Variants in SH2B2 observed in about 807,000 individuals in gnomAD.
The protein encoded by SH2B2 is SH2B adapter protein 2.
SH2B2 carries 37 observed loss-of-function variants against 35.7 expected under a neutral mutation model. That is an observed-to-expected ratio of 1.04 (90% CI 0.80 to 1.36). The LOEUF is 1.36. Among genes scored for constraint, SH2B2 ranks in the 40% most tolerant of loss-of-function variants. SH2B2 has a pLI of 0.00. For synonymous variants in SH2B2, 383 were observed against 376.4 expected, an observed-to-expected ratio of 1.02 and a Z score of -0.20; for missense variants, 852 against 817.7, an observed-to-expected ratio of 1.04 and a Z score of -0.51.
intron 4 of SH2B2, chr7:102,309,460 A>G: frequency 3.4e-6 from 1 of 291,350 alleles, no homozygotes; most frequent in Non-Finnish European, 6.8e-6. Context: ...TCCCAGGTTC[A>G]AGCAATTTTC....
chr7:102,301,069 C>G lies in SH2B2; in HGVS notation c.519C>G (p.Asp173Glu). ...CCCCGCGCACCGCCGAGCCCCGCGA[C>G]AAGTGGACGCGGCGCCTGAGGCTGT... The part of the protein sequence containing the change: ...AAAPRTAEPR[D>E]KWTRRLRLSR... The change falls in exon 2 of 9, where the codon GAC (aspartate) becomes GAG (glutamate). Residue 173 changes from aspartate (D) to glutamate (E), a missense_variant. Physicochemically the swap from Asp to Glu is conservative, Grantham distance 45 (BLOSUM62 2). Around this residue, in one of 3 missense-constraint regions of SH2B2, gnomAD observed 294 missense variants for 286.6 expected, o/e 1.03. Transcript: ENST00000444095. 1 of 1,388,166 alleles carries G rather than the reference C, an allele frequency of 7.2e-7. No homozygotes were observed. Among genetic ancestry groups the G allele is most frequent in the South Asian group, 1.6e-5 (1 of 62,552 alleles). The allele number at this position is 1,388,166 out of a possible 1,614,324, so 86.0% of individuals were successfully genotyped here.
chr7:102,320,566 G>A (rs951407864), intron 8 of SH2B2, 64 bp downstream of exon 8: 3 of 1,543,222 alleles, frequency 1.9e-6, no homozygotes, highest in Non-Finnish European at 2.6e-6. Flanking sequence ...TACTCAAGAA[G>A]GTGGTCCCTG....
At chr7:102,288,446 T>G (rs1563543886) in intron 1 of SH2B2, among the ~76,000 whole-genome samples, 1 of 152,118 alleles carries the variant, frequency 6.6e-6, no homozygotes, top group Non-Finnish European at 1.5e-5. Flanking sequence ...CCCCACCCCG[T>G]GGCAGGCCGG....
At chr7:102,301,859 C>G (rs1316168853) in intron 2 of SH2B2, among the ~76,000 whole-genome samples, 1 of 152,032 alleles carries the variant, frequency 6.6e-6, no homozygotes, top group Non-Finnish European at 1.5e-5. Flanking sequence ...TCGTGAGCCA[C>G]CATGTCCAGC....
At chr7:102,320,646 A>G in intron 8 of SH2B2, 144 bp downstream of exon 8, 1 of 1,111,890 alleles carries the variant, frequency 9.0e-7, no homozygotes, top group South Asian at 1.6e-5. Context: ...GCCTAGCCAC[A>G]GCAATTTCAA....
At chr7:102,294,924 T>C (rs1217872293) in intron 1 of SH2B2, among the ~76,000 whole-genome samples, 2 of 152,188 alleles carry the variant, frequency 1.3e-5, no homozygotes, top group South Asian at 2.1e-4. Context: ...CAGGGTTAGG[T>C]AGGAGAGGTC....
chr7:102,285,323 T>C, upstream of SH2B2: 1 of 1,161,690 alleles, frequency 8.6e-7, no homozygotes, highest in Non-Finnish European at 1.3e-6. Context: ...CCAGGCCATG[T>C]ATGGAGCTTC....
In SH2B2 at chr7:102,301,251, T is replaced by C. The variant is rs1167633995; in HGVS notation, c.701T>C (p.Phe234Ser). The change falls in exon 2 of 9, where the codon TTC becomes TCC. Residue 234 changes from phenylalanine to serine, a missense_variant. Phe to Ser is a radical substitution (Grantham distance 155). Around this residue, in one of 3 missense-constraint regions of SH2B2, gnomAD observed 556 missense variants for 514.5 expected, o/e 1.08. Coordinates refer to ENST00000444095, the MANE Select transcript of SH2B2 (RefSeq NM_001359228.2). ...CGCAGGGCTGTGGCCGAGGAACGCT[T>C]CCGCCTGGAGTTCTTCGTGCCGCCC... is the stretch of plus-strand genomic sequence containing the variant. ...LLRRAVAEER[F>S]RLEFFVPPKA... 3.7e-6 allele frequency: 6 copies of C among 1,604,914 alleles called. No homozygotes were observed. In the African/African-American group the frequency reaches 8.1e-5, roughly 22 times the overall value.
chr7:102,321,324 G>C lies in SH2B2; in HGVS notation c.1593G>C (p.Ala531=), dbSNP rs781786956. 1.4e-6 allele frequency: 2 copies of C among 1,429,398 alleles called. No homozygotes were observed. Among genetic ancestry groups the C allele is most frequent in the Admixed American group, 2.9e-5 (1 of 34,360 alleles). The allele number at this position is 1,429,398 out of a possible 1,614,324, so 88.5% of individuals were successfully genotyped here. The change falls in exon 9 of 9, where the codon GCG becomes GCC. Residue 531 remains alanine (A), a synonymous_variant. Coordinates refer to ENST00000444095, the MANE Select transcript of SH2B2 (RefSeq NM_001359228.2). ...PPEPGPTPPA[A]PASPACWSDS... ...AGCCGGGCCCCACGCCCCCTGCCGC[G>C]CCCGCGTCCCCGGCCTGCTGGAGCG...
At chr7:102,316,819 G>T (rs1378408525) in intron 6 of SH2B2, among the ~76,000 whole-genome samples, 4 of 152,074 alleles carry the variant, frequency 2.6e-5, no homozygotes, top group African/African-American at 9.7e-5. Context: ...AGGAGTTTGA[G>T]ACCAGCCTGA....
chr7:102,309,355 CTTTT>C (rs35826295), intron 4 of SH2B2: 1,974 of 182,346 alleles, frequency 0.011, no homozygotes, highest in Middle Eastern at 0.026. Flanking sequence ...CTCTCTCTCT[CTTTT>C]TTTTTTTTTT....
chr7:102,299,022 G>C (rs1272805547), intron 1 of SH2B2, among the ~76,000 whole-genome samples: 1 of 139,764 alleles, frequency 7.2e-6, no homozygotes, highest in African/African-American at 2.7e-5. Flanking sequence ...CGAGGTTCAC[G>C]CCATTCTCCT....
intron 8 of SH2B2, among the ~76,000 whole-genome samples, chr7:102,320,777 G>A (rs1269331716): frequency 1.3e-5 from 2 of 152,128 alleles, no homozygotes; most frequent in African/African-American, 4.8e-5. Context: ...ATGGGGGTGG[G>A]GACAGGGGTG....
At position 102,297,132 on chromosome 7, in the gene SH2B2, T is replaced by C. The variant is rs144600655; in HGVS notation, c.-29-3390T>C. 1.1e-3 allele frequency among the ~76,000 whole-genome samples: 171 copies of C among 152,290 alleles called. 1 individual carries two copies. The highest frequency in any genetic ancestry group is 4.0e-3 in the African/African-American group (167 of 41,562). On this transcript the variant is annotated intron_variant, in intron 1 of 8. Coordinates refer to ENST00000444095, the MANE Select transcript of SH2B2 (RefSeq NM_001359228.2). The surrounding 1 kb of genome is among the most constrained non-coding windows in gnomAD (Gnocchi z 4.3). ...TACAAATGTAAATTGCAGGCCAGTC[T>C]GAGTAGCAGGATGAAGTCTCAAACC...
intron 1 of SH2B2, among the ~76,000 whole-genome samples, chr7:102,293,375 G>T (rs1158192239): frequency 5.9e-5 from 9 of 151,474 alleles, no homozygotes; most frequent in Non-Finnish European, 4.4e-5. Flanking sequence ...CTGGAAAGGC[G>T]ATGAGCAGGG....
chr7:102,314,457 G>A, intron 5 of SH2B2, 30 bp downstream of exon 5: 1 of 398,748 alleles, frequency 2.5e-6, no homozygotes, highest in Non-Finnish European at 4.4e-6. Context: ...TGAAGGAGGG[G>A]CACACTCAGG....
In SH2B2 at chr7:102,300,911, G is replaced by T; in HGVS notation, c.361G>T (p.Val121Leu). The change falls in exon 2 of 9, where the codon GTG (valine) becomes TTG (leucine). Residue 121 changes from valine (V) to leucine (L), a missense_variant. Transcript: ENST00000444095. The stretch of plus-strand genomic sequence containing the variant: ...CGGCCACTCGCGGAGCTCGGAGGAC[G>T]TGTCCACGCACGCGGCCACCAAGGC... ...PYGHSRSSED[V>L]STHAATKARV... 6.7e-7 allele frequency: 1 copy of T among 1,482,630 alleles called. No individual in the cohort carries two copies. Among genetic ancestry groups the T allele is most frequent in the Non-Finnish European group, 8.9e-7 (1 of 1,120,934 alleles). The allele number at this position is 1,482,630 out of a possible 1,614,324, so 91.8% of individuals were successfully genotyped here. A position where few individuals can be genotyped will look rare whatever the true frequency, so the allele number is the denominator to read the frequency against.
intron 6 of SH2B2, among the ~76,000 whole-genome samples, chr7:102,315,540 G>A (rs566004158): frequency 3.0e-4 from 46 of 151,832 alleles, no homozygotes; most frequent in Middle Eastern, 3.4e-3. Flanking sequence ...TGTTGGCCAG[G>A]CTGATCTTGA....
upstream of SH2B2, among the ~76,000 whole-genome samples, chr7:102,285,986 C>CTGTG (rs1792431837): frequency 2.6e-5 from 4 of 152,238 alleles, no homozygotes; most frequent in Admixed American, 2.6e-4. Flanking sequence ...AGCCCCCGCG[C>CTGTG]TGTGCCCTCA....
Sources: allele counts gnomAD v4.1 joint callset (sites outside exome capture counted in the v4.1 genomes callset), GRCh38; gene constraint gnomAD v4.1.1; regional missense constraint gnomAD v4.1.1; non-coding constraint Gnocchi (gnomAD v3.1); transcripts MANE v1.5; gene names NCBI Gene and HGNC (gene_info 2026-07-23, HGNC 2026-07-21).